PTK2: variants seen among roughly 807,000 people sequenced by gnomAD.
PTK2 encodes the protein protein tyrosine kinase 2.
PTK2 carries 45 observed loss-of-function variants against 150.1 expected under a neutral mutation model. The observed-to-expected ratio is 0.30, with a 90% CI of 0.24 to 0.38. The LOEUF is 0.38. PTK2 is among the 10% of genes least tolerant of loss of function. The pLI, the probability that PTK2 is intolerant of heterozygous loss-of-function variation, is 1.00. For synonymous variants in PTK2, 432 were observed against 449.2 expected, an observed-to-expected ratio of 0.96 and a Z score of 0.48; for missense variants, 919 against 1,307.3, an observed-to-expected ratio of 0.70 and a Z score of 4.58.
exon 17 of PTK2, chr8:140,752,308 T>C: frequency 6.2e-7 from 1 of 1,613,864 alleles, no homozygotes; most frequent in Non-Finnish European, 8.5e-7. Flanking sequence ...CCGCCAAAGC[T>C]GGATTCTCCT....
At chr8:140,828,755 T>A (rs2100113477) in intron 8 of PTK2, among the ~76,000 whole-genome samples, 1 of 152,010 alleles carries the variant, frequency 6.6e-6, no homozygotes, top group Admixed American at 6.6e-5. Flanking sequence ...CACTTAAGGG[T>A]CTTCCCATGC....
intron 23 of PTK2, among the ~76,000 whole-genome samples, chr8:140,715,343 T>C (rs950354934): frequency 2.6e-5 from 4 of 151,958 alleles, no homozygotes; most frequent in Non-Finnish European, 5.9e-5. Flanking sequence ...TGGCTGATTT[T>C]TGTATATTAG....
At chr8:140,847,515 T>C (rs2100126309) in intron 5 of PTK2, among the ~76,000 whole-genome samples, 1 of 152,194 alleles carries the variant, frequency 6.6e-6, no homozygotes, top group Admixed American at 6.5e-5. Flanking sequence ...CTGCAATTGA[T>C]TTTGATGAGA....
chr8:140,853,427 G>A (rs565417797), intron 5 of PTK2, among the ~76,000 whole-genome samples: 13 of 146,898 alleles, frequency 8.8e-5, no homozygotes, highest in Non-Finnish European at 1.5e-4. Flanking sequence ...ACCTACGAGG[G>A]AGAACATGTG....
chr8:140,804,801 T>A (rs188350720), intron 10 of PTK2, among the ~76,000 whole-genome samples: 1 of 152,292 alleles, frequency 6.6e-6, no homozygotes, highest in East Asian at 1.9e-4. Flanking sequence ...GAGACATGTG[T>A]TTTGCAGGGC....
chr8:141,001,291 G>C (rs1389324477), upstream of PTK2: 3 of 147,202 alleles, frequency 2.0e-5, no homozygotes, highest in Middle Eastern at 3.2e-3. Flanking sequence ...GTGCTGCGTC[G>C]GCGCGGGCCC....
At chr8:141,001,387 C>T (rs528020751), upstream of PTK2, 3 of 150,948 alleles carry the variant, frequency 2.0e-5, no homozygotes, top group African/African-American at 7.3e-5. Flanking sequence ...GTTCCCGCCT[C>T]TCGGGGGGAC....
chr8:140,894,202 C>CGA (rs1201608914), intron 2 of PTK2, among the ~76,000 whole-genome samples: 2 of 152,170 alleles, frequency 1.3e-5, no homozygotes, highest in African/African-American at 4.8e-5. Flanking sequence ...TGCTTCCTCT[C>CGA]TCTGCTCTCC....
At chr8:140,738,466 CAGG>C (rs1283496928) in intron 21 of PTK2, among the ~76,000 whole-genome samples, 1 of 152,098 alleles carries the variant, frequency 6.6e-6, no homozygotes, top group Non-Finnish European at 1.5e-5. Flanking sequence ...AACCATAGAG[CAGG>C]AGAATGATGA....
intron 23 of PTK2, among the ~76,000 whole-genome samples, chr8:140,710,021 A>G (rs946202380): frequency 6.6e-6 from 1 of 152,206 alleles, no homozygotes; most frequent in Non-Finnish European, 1.5e-5. Context: ...GATAAGTATA[A>G]TAACTATGTA....
At chr8:140,758,843 T>C (rs1434181522) in intron 16 of PTK2, among the ~76,000 whole-genome samples, 1 of 152,240 alleles carries the variant, frequency 6.6e-6, no homozygotes, top group Non-Finnish European at 1.5e-5. Flanking sequence ...CTCCTAGTCC[T>C]GCAAACTCCA....
chr8:140,708,553 A>T (rs1326741678), intron 23 of PTK2, among the ~76,000 whole-genome samples: 1 of 152,086 alleles, frequency 6.6e-6, no homozygotes, highest in Non-Finnish European at 1.5e-5. Context: ...GAGGGTGAAA[A>T]ATCCTTCCTT....
At position 140,838,185 on chromosome 8, in the gene PTK2, T is replaced by G. The variant is rs545705385; in HGVS notation, c.594-7659A>C. ...TGGAACATATCATGAGTTTTCTTAT[T>G]AGAAAGGAAAAAGAGAACCATGAAA... On this transcript the variant is annotated intron_variant, in intron 7 of 31. Transcript: ENST00000522684. Among the ~76,000 whole-genome samples the G allele has an allele frequency of 3.9e-5, 6 of 152,338 alleles. No individual in the cohort carries two copies. In the South Asian group the frequency reaches 1.2e-3, roughly 32 times the overall value.
intron 1 of PTK2, among the ~76,000 whole-genome samples, chr8:140,942,420 A>G (rs542611371): frequency 6.6e-6 from 1 of 152,224 alleles, no homozygotes; most frequent in African/African-American, 2.4e-5. Flanking sequence ...GACCTTTATA[A>G]TATACAATCT....
At chr8:140,994,937 A>G (rs1346822123) in intron 1 of PTK2, among the ~76,000 whole-genome samples, 1 of 152,100 alleles carries the variant, frequency 6.6e-6, no homozygotes, top group Non-Finnish European at 1.5e-5. Context: ...ATACAAAATT[A>G]GCCTGGTGTG....
At chr8:140,907,130 T>C (rs542584256) in intron 2 of PTK2, among the ~76,000 whole-genome samples, 1 of 152,332 alleles carries the variant, frequency 6.6e-6, no homozygotes, top group South Asian at 2.1e-4. Context: ...CAACTGGTCC[T>C]AGCGAAAAAA....
intron 4 of PTK2, among the ~76,000 whole-genome samples, chr8:140,878,844 TAA>T (rs34124997): frequency 1.3e-3 from 167 of 128,562 alleles, no homozygotes; most frequent in East Asian, 4.6e-3. Context: ...TGCTTAGTAG[TAA>T]AAAAAAAAAA....
chr8:140,804,301 G>GAT (rs1218230021), intron 10 of PTK2, among the ~76,000 whole-genome samples: 1 of 151,048 alleles, frequency 6.6e-6, no homozygotes, highest in Non-Finnish European at 1.5e-5. Flanking sequence ...AAGAAAAAAA[G>GAT]ATAGAGTTGG....
chr8:140,871,719 T>C (rs2100142635), intron 4 of PTK2, among the ~76,000 whole-genome samples: 1 of 152,120 alleles, frequency 6.6e-6, no homozygotes, highest in Non-Finnish European at 1.5e-5. Flanking sequence ...ACAAACAAAT[T>C]ATTTTAAAAA....
Sources: allele counts gnomAD v4.1 joint callset (sites outside exome capture counted in the v4.1 genomes callset), GRCh38; gene constraint gnomAD v4.1.1; transcripts MANE v1.5; gene names NCBI Gene and HGNC (gene_info 2026-07-23, HGNC 2026-07-21).